Variants in ARAP2 observed in about 807,000 individuals in gnomAD.
ARAP2 encodes the protein ArfGAP with RhoGAP domain, ankyrin repeat and PH domain 2.
ARAP2 carries 148 observed loss-of-function variants against 194.5 expected under a neutral mutation model. The observed-to-expected ratio is 0.76, with a 90% CI of 0.67 to 0.87. The LOEUF (loss-of-function observed/expected upper bound fraction) is 0.87, where lower values mean the gene tolerates loss of function less well. ARAP2 is among the 40% of genes least tolerant of loss of function. The pLI is 0.00. For missense variants in ARAP2, 2,128 were observed against 1,989.7 expected (o/e 1.07, Z -1.32); for synonymous variants, 695 against 683.5 (o/e 1.02, Z -0.26).
intron 1 of ARAP2, among the ~76,000 whole-genome samples, chr4:36,059,818 A>G (rs6832916): frequency 0.046 from 7,007 of 152,240 alleles, 538 homozygotes; most frequent in African/African-American, 0.16. Flanking sequence ...GTGATAGGTC[A>G]ATATGATGAC....
intron 22 of ARAP2, 86 bp from the exon 23 acceptor site, chr4:36,121,412 A>G: frequency 8.0e-7 from 1 of 1,249,972 alleles, no homozygotes; most frequent in South Asian, 1.8e-5. Context: ...ATTTTTAAAC[A>G]CAGCAATATT....
rs572749908 is a variant in ARAP2 at position 36,179,758 on chromosome 4, T to A, written c.1679-1753A>T. On this transcript the variant is annotated intron_variant, in intron 8 of 32. Coordinates refer to ENST00000303965, the MANE Select transcript of ARAP2 (RefSeq NM_015230.4). Reference sequence around the variant, plus strand: ...TTCTCAGACAGGTCTGCCCAGTGACTTCATTATGGATTGAAGTAAGTCTCC... The same window carrying A: ...TTCTCAGACAGGTCTGCCCAGTGACATCATTATGGATTGAAGTAAGTCTCC... Among the ~76,000 whole-genome samples the A allele has an allele frequency of 2.6e-5, 4 of 152,360 alleles. No homozygotes were observed. The South Asian group carries it at 8.3e-4, about 32-fold the overall frequency.
chr4:36,235,464 T>C (rs1204570384), intron 1 of ARAP2, among the ~76,000 whole-genome samples: 1 of 152,250 alleles, frequency 6.6e-6, no homozygotes, highest in East Asian at 1.9e-4. Flanking sequence ...GGTATGTCTC[T>C]GCTCAAATGC....
chr4:36,216,218 T>C (rs1019416198), intron 2 of ARAP2, among the ~76,000 whole-genome samples: 1 of 152,126 alleles, frequency 6.6e-6, no homozygotes, highest in African/African-American at 2.4e-5. Flanking sequence ...ACTGCATCGC[T>C]GCACTCCAGC....
At chr4:36,044,122 G>A (rs1025725809) in intron 5 of ARAP2, among the ~76,000 whole-genome samples, 1 of 152,108 alleles carries the variant, frequency 6.6e-6, no homozygotes. Context: ...AGCATGTAGT[G>A]TCCCGTTTAC....
intron 32 of ARAP2, among the ~76,000 whole-genome samples, chr4:36,071,372 G>A (rs551609910): frequency 1.3e-5 from 2 of 152,278 alleles, no homozygotes; most frequent in African/African-American, 4.8e-5. Context: ...ACCACAGGTA[G>A]TATCTAGTTT....
At chr4:36,090,640 G>C (rs142505965) in intron 28 of ARAP2, among the ~76,000 whole-genome samples, 1 of 152,060 alleles carries the variant, frequency 6.6e-6, no homozygotes, top group African/African-American at 2.4e-5. Flanking sequence ...GGCCATTATC[G>C]TTGGCAAACT....
rs148746762 is a variant in ARAP2 at position 36,196,543 on chromosome 4, T to G, written c.1488-2896A>C. ...GACTATTTGATGTCTTCATCTATTT[T>G]TAACTCAATATTTTTAAAGATTATT... On this transcript the variant is annotated intron_variant, in intron 6 of 32. Transcript: ENST00000303965. Among the ~76,000 whole-genome samples the G allele has an allele frequency of 6.6e-5, 10 of 152,360 alleles. No homozygotes were observed. In the East Asian group the frequency reaches 1.9e-3, roughly 29 times the overall value.
chr4:36,159,276 G>A (rs894805187), intron 14 of ARAP2, 55 bp downstream of exon 14: 1 of 1,385,686 alleles, frequency 7.2e-7, no homozygotes, highest in Non-Finnish European at 9.5e-7. Context: ...TTATGCTTCA[G>A]TCCTTTTACG....
At chr4:36,112,477 G>T (rs183615673) in intron 26 of ARAP2, among the ~76,000 whole-genome samples, 1 of 152,002 alleles carries the variant, frequency 6.6e-6, no homozygotes, top group Admixed American at 6.6e-5. Context: ...TTTGTAATGT[G>T]GAAAGATATT....
rs1369553387 is a variant in ARAP2 at position 36,124,890 on chromosome 4, G to A, written c.3718C>T (p.Leu1240=). 1.9e-6 allele frequency: 3 copies of A among 1,610,768 alleles called. No individual in the cohort carries two copies. The highest frequency in any genetic ancestry group is 3.3e-4 in the Middle Eastern group (2 of 6,042). ...TACAGGTGTTCAATGATAGCTGCTA[G>A]TGTTGCTCGGTTGACCCCTGGAAGA... The part of the protein sequence containing the change: ...RSLPGVNRAT[L]AAIIEHLYRV... The change falls in exon 22 of 33, where the codon CTA becomes TTA. Residue 1240 remains leucine (L), a synonymous_variant. Transcript: ENST00000303965.
intron 5 of ARAP2, among the ~76,000 whole-genome samples, chr4:36,040,775 G>A (rs1001414535): frequency 3.3e-5 from 5 of 152,142 alleles, no homozygotes; most frequent in Admixed American, 6.5e-5. Flanking sequence ...AAATCATGTC[G>A]TCTGCAAACA....
At chr4:36,099,711 T>C (rs1716332578) in intron 27 of ARAP2, among the ~76,000 whole-genome samples, 1 of 152,104 alleles carries the variant, frequency 6.6e-6, no homozygotes, top group Non-Finnish European at 1.5e-5. Flanking sequence ...CTAGACTGCC[T>C]GGGCTTGAAT....
At chr4:36,186,452 A>C (rs1016117119) in intron 8 of ARAP2, among the ~76,000 whole-genome samples, 1 of 152,202 alleles carries the variant, frequency 6.6e-6, no homozygotes, top group Non-Finnish European at 1.5e-5. Context: ...GAATTCAAGA[A>C]ATATAAAAGA....
At chr4:36,217,374 T>C (rs1748168537) in intron 2 of ARAP2, among the ~76,000 whole-genome samples, 1 of 152,022 alleles carries the variant, frequency 6.6e-6, no homozygotes, top group South Asian at 2.1e-4. Context: ...TAGCTGAGCG[T>C]GGTGGCGGCA....
At chr4:36,040,112 T>G (rs1720596856) in intron 5 of ARAP2, among the ~76,000 whole-genome samples, 1 of 152,198 alleles carries the variant, frequency 6.6e-6, no homozygotes, top group Non-Finnish European at 1.5e-5. Flanking sequence ...ATGTGTTTAG[T>G]TTAAAATGGT....
At chr4:36,044,772 AG>A (rs1721522795) in intron 5 of ARAP2, among the ~76,000 whole-genome samples, 1 of 152,158 alleles carries the variant, frequency 6.6e-6, no homozygotes, top group African/African-American at 2.4e-5. Flanking sequence ...TCTATAGAAC[AG>A]GGGAAAATAT....
At chr4:36,242,211 T>C (rs1414779743) in intron 1 of ARAP2, among the ~76,000 whole-genome samples, 3 of 152,188 alleles carry the variant, frequency 2.0e-5, no homozygotes, top group Admixed American at 2.0e-4. Flanking sequence ...AGCTAAGACA[T>C]ATTTCCCAGA....
At position 36,121,141 on chromosome 4, in the gene ARAP2, A is replaced by G. The variant is rs773639642; in HGVS notation, c.3894+38T>C. 2.7e-6 allele frequency: 4 copies of G among 1,493,014 alleles called. No homozygotes were observed. In the South Asian group the frequency reaches 3.9e-5, roughly 15 times the overall value. The allele number at this position is 1,493,014 out of a possible 1,614,324, so 92.5% of individuals were successfully genotyped here. On this transcript the variant is annotated intron_variant, in intron 23 of 32. Coordinates refer to ENST00000303965, the MANE Select transcript of ARAP2 (RefSeq NM_015230.4). Reference sequence around the variant, plus strand: ...ATATTTGTTGGCAAACAGTGACATTATAACCATTTTAACAAGGGCAGGATA... The same window carrying G: ...ATATTTGTTGGCAAACAGTGACATTGTAACCATTTTAACAAGGGCAGGATA...
Sources: allele counts gnomAD v4.1 joint callset (sites outside exome capture counted in the v4.1 genomes callset), GRCh38; gene constraint gnomAD v4.1.1; transcripts MANE v1.5; gene names NCBI Gene and HGNC (gene_info 2026-07-23, HGNC 2026-07-21).